The following GCC2 variants were observed in gnomAD, a reference collection of about 807,000 sequenced individuals.
GCC2 encodes the protein GRIP and coiled-coil domain-containing protein 2.
Under a neutral mutation model 210.6 loss-of-function variants are expected in GCC2, and 120 were observed. That is an observed-to-expected ratio of 0.57 (90% CI 0.49 to 0.66). GCC2 has a LOEUF of 0.66. Among genes scored for constraint, GCC2 ranks in the 30% least tolerant of loss-of-function variants. GCC2 has a pLI of 0.00. For synonymous variants in GCC2, 703 were observed against 652.7 expected (o/e 1.08, Z -1.17); for missense variants, 1,868 against 1,871.9 (o/e 1.00, Z 0.04).
At position 108,471,148 on chromosome 2, in the gene GCC2, C is replaced by T. The variant is rs750255811; in HGVS notation, c.1819C>T (p.His607Tyr). 4 of 1,590,246 alleles carry T rather than the reference C, an allele frequency of 2.5e-6. No homozygotes were observed. The highest frequency in any genetic ancestry group is 3.4e-6 in the Non-Finnish European group (4 of 1,164,150). Residue 607 changes from histidine to tyrosine, a missense_variant, in exon 6 of 23, where the codon CAT becomes TAT. Around this residue, in one of 3 missense-constraint regions of GCC2, gnomAD observed 1,847 missense variants for 1,765.2 expected, o/e 1.05. Coordinates refer to ENST00000309863, the MANE Select transcript of GCC2 (RefSeq NM_181453.4). Reference sequence around the variant, plus strand: ...TTTTATAAATAAACTGAAAAATTCCCATGAAGAAATGGATAATTTCCATAA... The same window carrying T: ...TTTTATAAATAAACTGAAAAATTCCTATGAAGAAATGGATAATTTCCATAA... ...DDFINKLKNS[H>Y]EEMDNFHKKC...
At chr2:108,452,100 A>G (rs1679977603) in intron 3 of GCC2, among the ~76,000 whole-genome samples, 1 of 152,126 alleles carries the variant, frequency 6.6e-6, no homozygotes, top group African/African-American at 2.4e-5. Flanking sequence ...TGTTGCTTTA[A>G]GGTTATACAG....
At position 108,494,908 on chromosome 2, in the gene GCC2, T is replaced by C. The variant is rs191572053; in HGVS notation, c.4448-383T>C. On this transcript the variant is annotated intron_variant, in intron 19 of 22. Transcript: ENST00000309863. ...GCTCACTGCAACCTCCGCCTCCTGG[T>C]TTCCAGCAATTCTCTGCCTCAGCCT... 3.2e-3 allele frequency: 504 copies of C among 155,926 alleles called. 1 individual carries two copies. Among genetic ancestry groups the C allele is most frequent in the African/African-American group, 0.01 (428 of 41,428 alleles). The allele number at this position is 155,926 out of a possible 1,614,324, so 9.7% of individuals were successfully genotyped here. A position where few individuals can be genotyped will look rare whatever the true frequency, so the allele number is the denominator to read the frequency against.
rs372937652 is a variant in GCC2 at position 108,470,756 on chromosome 2, C to G, written c.1427C>G (p.Ala476Gly). ...AACCTACAGCAAGAAAAGCAAGAAG[C>G]AATTTTAAATTATGAGAGTTTACGA... ...CENLQQEKQE[A>G]ILNYESLREI... Residue 476 changes from alanine (A) to glycine (G), a missense_variant, in exon 6 of 23, where the codon GCA becomes GGA. This residue lies in a region of GCC2 where 1,847 missense variants were observed against 1,765.2 expected (regional missense o/e 1.05). Transcript: ENST00000309863. 1 of 1,613,358 alleles carries G rather than the reference C, an allele frequency of 6.2e-7. No homozygotes were observed. The highest frequency in any genetic ancestry group is 8.5e-7 in the Non-Finnish European group (1 of 1,179,798).
At chr2:108,478,315 G>A (rs1268239479) in intron 9 of GCC2, among the ~76,000 whole-genome samples, 6 of 152,014 alleles carry the variant, frequency 3.9e-5, no homozygotes, top group Non-Finnish European at 8.8e-5. Context: ...ATAAAAATGT[G>A]ACAGGATTTA....
At chr2:108,450,977 A>G (rs756784480) in intron 2 of GCC2, 51 bp from the exon 3 acceptor site, 4 of 1,105,730 alleles carry the variant, frequency 3.6e-6, no homozygotes, top group Non-Finnish European at 5.5e-6. Context: ...TTTTTGTGGT[A>G]TACTAGAAAC....
In GCC2 at chr2:108,471,395, C is replaced by T; in HGVS notation, c.2066C>T (p.Ser689Phe). 6.2e-7 allele frequency: 1 copy of T among 1,607,124 alleles called. No individual in the cohort carries two copies. Among genetic ancestry groups the T allele is most frequent in the Non-Finnish European group, 8.5e-7 (1 of 1,178,158 alleles). Residue 689 changes from serine to phenylalanine, a missense_variant, in exon 6 of 23, where the codon TCT (serine) becomes TTT (phenylalanine). Physicochemically the swap from Ser to Phe is radical, Grantham distance 155. Coordinates refer to ENST00000309863, the MANE Select transcript of GCC2 (RefSeq NM_181453.4). ...GAAGTATTGTCAGCTGAAGTGAAGT[C>T]TCTTTATGAGGAAAACAATAAACTC... ...DKEVLSAEVKSLYEENNKLSS... is the reference protein window; with the variant it reads ...DKEVLSAEVKFLYEENNKLSS...
chr2:108,501,578 T>C (rs984423842), intron 22 of GCC2, among the ~76,000 whole-genome samples: 12 of 151,992 alleles, frequency 7.9e-5, no homozygotes, highest in Non-Finnish European at 1.5e-4. Flanking sequence ...TAGTTGGTGT[T>C]CTTTAACATG....
At position 108,492,727 on chromosome 2, in the gene GCC2, C is replaced by T; in HGVS notation, c.4384C>T (p.Gln1462Ter). 1 of 1,613,978 alleles carries T rather than the reference C, an allele frequency of 6.2e-7. No homozygotes were observed. The highest frequency in any genetic ancestry group is 1.1e-5 in the South Asian group (1 of 91,080). Residue 1462 changes from glutamine to a stop codon, truncating the protein, a stop_gained, in exon 19 of 23, where the codon CAG (glutamine) becomes TAG (stop). Transcript: ENST00000309863. LOFTEE classifies it high-confidence loss of function. ...ACACAGAAAGACAGTGGAGACATTA[C>T]AGCAGCAGCTCTCCAAGATGGAAGC... Reference protein sequence around the residue: ...EEHRKTVETLQQQLSKMEAQL... With the variant: ...EEHRKTVETL
chr2:108,456,579 C>G (rs1442385091), intron 4 of GCC2, among the ~76,000 whole-genome samples: 2 of 152,012 alleles, frequency 1.3e-5, no homozygotes, highest in African/African-American at 2.4e-5. Flanking sequence ...CTTGTATACT[C>G]TGGGTATTAG....
chr2:108,495,259 C>T, intron 19 of GCC2, 32 bp from the exon 20 acceptor site: 1 of 1,434,740 alleles, frequency 7.0e-7, no homozygotes, highest in Non-Finnish European at 9.6e-7. Flanking sequence ...TTTGAACAAT[C>T]TCACACTTAA....
intron 21 of GCC2, 58 bp downstream of exon 21, chr2:108,497,167 C>T: frequency 4.3e-6 from 7 of 1,610,316 alleles, no homozygotes; most frequent in Non-Finnish European, 5.9e-6. Flanking sequence ...CTTGACCCTC[C>T]ATACACATGC....
Position 108,449,261 on chromosome 2 carries a change from G to T in GCC2, c.-14G>T, listed in dbSNP as rs1213350683. 8 of 1,549,188 alleles carry T rather than the reference G, an allele frequency of 5.2e-6. No homozygotes were observed. The highest frequency in any genetic ancestry group is 7.0e-6 in the Non-Finnish European group (8 of 1,145,280). On this transcript the variant is annotated 5_prime_UTR_variant, in exon 1 of 23. Coordinates refer to ENST00000309863, the MANE Select transcript of GCC2 (RefSeq NM_181453.4). ...GGCGGCGGCTGGTTGCGGGCCGGCGGCGGGCTGGCGGAGATGGAGGTAACT... is the reference window on the plus strand; with the variant it reads ...GGCGGCGGCTGGTTGCGGGCCGGCGTCGGGCTGGCGGAGATGGAGGTAACT...
At chr2:108,492,035 A>C (rs1384374347) in intron 18 of GCC2, among the ~76,000 whole-genome samples, 1 of 152,088 alleles carries the variant, frequency 6.6e-6, no homozygotes, top group Non-Finnish European at 1.5e-5. Flanking sequence ...GTGAGATTTG[A>C]AACAGCTATA....
Position 108,469,708 on chromosome 2 carries a change from T to C in GCC2, c.379T>C (p.Tyr127His). 6.2e-7 allele frequency: 1 copy of C among 1,612,452 alleles called. No individual in the cohort carries two copies. Among genetic ancestry groups the C allele is most frequent in the Non-Finnish European group, 8.5e-7 (1 of 1,178,952 alleles). Residue 127 changes from tyrosine (Y) to histidine (H), a missense_variant, in exon 6 of 23, where the codon TAT (tyrosine) becomes CAT (histidine). This residue lies in a region of GCC2 where 1,847 missense variants were observed against 1,765.2 expected (regional missense o/e 1.05). Coordinates refer to ENST00000309863, the MANE Select transcript of GCC2 (RefSeq NM_181453.4). ...GGAGTTGGAACAATCACATATAAAC[T>C]ATGTGAAAGAAATTGAAAATTTGAA... ...HKELEQSHIN[Y>H]VKEIENLKNE...
intron 4 of GCC2, among the ~76,000 whole-genome samples, chr2:108,468,602 T>C (rs1681026196): frequency 6.6e-6 from 1 of 152,196 alleles, no homozygotes; most frequent in African/African-American, 2.4e-5. Context: ...CCTATTCAGA[T>C]TGTTGACCAA....
intron 4 of GCC2, among the ~76,000 whole-genome samples, chr2:108,464,712 A>G (rs1019328975): frequency 6.6e-6 from 1 of 152,108 alleles, no homozygotes; most frequent in Non-Finnish European, 1.5e-5. Context: ...ATGAAGAAAT[A>G]CCAGAGGTCT....
intron 4 of GCC2, chr2:108,462,751 CAG>C (rs1205312121): frequency 6.6e-6 from 1 of 151,610 alleles, no homozygotes; most frequent in Non-Finnish European, 1.5e-5. Context: ...TTAGTAGAGA[CAG>C]GGTTTCACCA....
chr2:108,467,148 A>G (rs1045696186), intron 4 of GCC2, among the ~76,000 whole-genome samples: 2 of 152,178 alleles, frequency 1.3e-5, no homozygotes, highest in Non-Finnish European at 2.9e-5. Flanking sequence ...GTCATATTCC[A>G]TGAAAAACTT....
intron 7 of GCC2, among the ~76,000 whole-genome samples, chr2:108,474,609 C>T (rs1436628599): frequency 2.6e-5 from 4 of 151,994 alleles, no homozygotes; most frequent in Admixed American, 1.3e-4. Context: ...CTAGAGGGAC[C>T]GGGTGGTTTA....
Sources: gnomAD v4.1 joint callset for allele counts (sites outside exome capture counted in the v4.1 genomes callset) on GRCh38, gnomAD v4.1.1 for gene constraint, gnomAD v4.1.1 regional missense constraint, MANE v1.5 for transcripts, NCBI Gene and HGNC (gene_info 2026-07-23, HGNC 2026-07-21) for gene names.